Variants in BANP observed in about 807,000 individuals in gnomAD.
The protein encoded by BANP is BTG3 associated nuclear protein.
Under a neutral mutation model 68.1 loss-of-function variants are expected in BANP, and 11 were observed. That is an observed-to-expected ratio of 0.16 (90% CI 0.10 to 0.27). BANP has a LOEUF of 0.27. Among genes scored for constraint, BANP ranks in the 10% least tolerant of loss-of-function variants. BANP has a pLI of 1.00. For missense variants in BANP, 504 were observed against 722.7 expected (o/e 0.70, Z 3.47); for synonymous variants, 329 against 303.2 (o/e 1.09, Z -0.88).
chr16:87,957,649 G>A lies in BANP; in HGVS notation c.-69+6134G>A, dbSNP rs150716099. 7.9e-5 allele frequency among the ~76,000 whole-genome samples: 12 copies of A among 152,360 alleles called. No individual in the cohort carries two copies. The highest frequency in any genetic ancestry group is 2.6e-4 in the African/African-American group (11 of 41,590). On this transcript the variant is annotated intron_variant, in intron 1 of 13. Coordinates refer to ENST00000682872, the MANE Select transcript of BANP (RefSeq NM_001386991.1). The surrounding 1 kb of genome is among the most constrained non-coding windows in gnomAD (Gnocchi z 4.3). ...TGAGATGAAAAGTCATCAAATATCT[G>A]GAAGCAAAGCTTAATCTTTCTGAAA...
At chr16:87,959,940 T>A (rs1310066106) in intron 1 of BANP, 3 of 152,632 alleles carry the variant, frequency 2.0e-5, no homozygotes, top group Non-Finnish European at 2.9e-5. Context: ...GGATGGCTGA[T>A]CCGAGTGACC....
At chr16:88,067,057 C>G (rs1029439674) in intron 12 of BANP, among the ~76,000 whole-genome samples, 6 of 152,042 alleles carry the variant, frequency 3.9e-5, no homozygotes, top group Non-Finnish European at 8.8e-5. Context: ...GGAATGCACA[C>G]TCGCTCTCTT....
chr16:87,954,549 A>T (rs1207828880), intron 1 of BANP, among the ~76,000 whole-genome samples: 1 of 152,148 alleles, frequency 6.6e-6, no homozygotes. Context: ...TCACCGTGGG[A>T]CCTGGAGCAC....
rs151048606 is a variant in BANP at position 88,003,551 on chromosome 16, T to C, written c.363-744T>C. 6.8e-5 allele frequency: 31 copies of C among 456,278 alleles called. No homozygotes were observed. Among genetic ancestry groups the C allele is most frequent in the African/African-American group, 4.6e-4 (23 of 50,218 alleles). The allele number at this position is 456,278 out of a possible 1,614,324, so 28.3% of individuals were successfully genotyped here. A position where few individuals can be genotyped will look rare whatever the true frequency, so the allele number is the denominator to read the frequency against. On this transcript the variant is annotated intron_variant, in intron 4 of 13. Coordinates refer to ENST00000682872, the MANE Select transcript of BANP (RefSeq NM_001386991.1). The surrounding 1 kb of genome is among the most constrained non-coding windows in gnomAD (Gnocchi z 6.1). ...AGTGCTAAGGCTTAAAAACGCATGATTGAAAACTGTGGGTGAGTCTGTACT... is the reference window on the plus strand; with the variant it reads ...AGTGCTAAGGCTTAAAAACGCATGACTGAAAACTGTGGGTGAGTCTGTACT...
At position 88,071,800 on chromosome 16, in the gene BANP, T is replaced by C. The variant is rs548823334; in HGVS notation, c.1378-269T>C. 7.6e-4 allele frequency: 507 copies of C among 670,596 alleles called. No homozygotes were observed. Among genetic ancestry groups the C allele is most frequent in the African/African-American group, 4.3e-3 (242 of 56,544 alleles). 41.5% of individuals were successfully genotyped at this position (670,596 alleles called of 1,614,324 possible). A position where few individuals can be genotyped will look rare whatever the true frequency, so the allele number is the denominator to read the frequency against. On this transcript the variant is annotated intron_variant, in intron 12 of 13. Coordinates refer to ENST00000682872, the MANE Select transcript of BANP (RefSeq NM_001386991.1). The surrounding 1 kb of genome is among the most constrained non-coding windows in gnomAD (Gnocchi z 6.5). ...AAGCTCTGCCTTGCTTTTTTTTTTTTCCCTTTTTTCTGCTCTGTAGGTGCT... is the reference window on the plus strand; with the variant it reads ...AAGCTCTGCCTTGCTTTTTTTTTTTCCCCTTTTTTCTGCTCTGTAGGTGCT...
At chr16:88,040,308 A>G (rs922162318) in intron 11 of BANP, among the ~76,000 whole-genome samples, 1 of 143,456 alleles carries the variant, frequency 7.0e-6, no homozygotes, top group African/African-American at 2.6e-5. Context: ...GCTGAGCTAC[A>G]CCCTGCTCAT....
At chr16:87,991,148 C>T (rs980481155) in intron 4 of BANP, among the ~76,000 whole-genome samples, 1 of 152,192 alleles carries the variant, frequency 6.6e-6, no homozygotes, top group Non-Finnish European at 1.5e-5. Context: ...GTTTACATAC[C>T]TGCAACTTCG....
chr16:88,057,082 A>T lies in BANP; in HGVS notation c.1312-8185A>T, dbSNP rs928057742. On this transcript the variant is annotated intron_variant, in intron 11 of 13. Transcript: ENST00000682872. The surrounding 1 kb of genome is among the most constrained non-coding windows in gnomAD (Gnocchi z 4.6). ...ATCCAAATGTGAGAACTTTTTCTGAATAAGGGAGTTTTGGTGATTCTTTGG... is the reference window on the plus strand; with the variant it reads ...ATCCAAATGTGAGAACTTTTTCTGATTAAGGGAGTTTTGGTGATTCTTTGG... Among the ~76,000 whole-genome samples, 12 of 152,322 alleles carry T rather than the reference A, an allele frequency of 7.9e-5. No individual in the cohort carries two copies. The highest frequency in any genetic ancestry group is 2.6e-4 in the African/African-American group (11 of 41,574).
intron 2 of BANP, among the ~76,000 whole-genome samples, chr16:87,977,581 C>G (rs4843760): frequency 0.35 from 53,065 of 152,104 alleles, 10,566 homozygotes; most frequent in Non-Finnish European, 0.47. Flanking sequence ...TTGTCTTGAA[C>G]GTAGGCATCT....
rs570267022 is a variant in BANP at position 88,071,311 on chromosome 16, C to T, written c.1378-758C>T. On this transcript the variant is annotated intron_variant, in intron 12 of 13. Coordinates refer to ENST00000682872, the MANE Select transcript of BANP (RefSeq NM_001386991.1). The surrounding 1 kb of genome is among the most constrained non-coding windows in gnomAD (Gnocchi z 6.5). ...GGGCTGCCCACCCGCCTGCCTGGGC[C>T]GTCTTGACACCGGAGCTGCCTGCCT... 25 of 368,286 alleles carry T rather than the reference C, an allele frequency of 6.8e-5. No individual in the cohort carries two copies. Among genetic ancestry groups the T allele is most frequent in the African/African-American group, 1.5e-4 (7 of 47,140 alleles). The allele number at this position is 368,286 out of a possible 1,614,324, so 22.8% of individuals were successfully genotyped here.
At chr16:88,062,495 A>G (rs532541574) in intron 11 of BANP, among the ~76,000 whole-genome samples, 51 of 152,320 alleles carry the variant, frequency 3.3e-4, no homozygotes, top group African/African-American at 1.2e-3. Context: ...CTCTGTTTCA[A>G]AAATGTTCAG....
intron 1 of BANP, among the ~76,000 whole-genome samples, chr16:87,964,663 G>A (rs146868081): frequency 5.3e-5 from 8 of 152,320 alleles, no homozygotes; most frequent in African/African-American, 9.6e-5. Flanking sequence ...CGCCTTGAGC[G>A]CTCTTTATCG....
chr16:87,977,197 G>A (rs1292623363), intron 2 of BANP, among the ~76,000 whole-genome samples: 2 of 152,202 alleles, frequency 1.3e-5, no homozygotes, highest in Admixed American at 6.5e-5. Context: ...GGCGGATCAC[G>A]ATGTCAGGAG....
chr16:87,973,632 G>A (rs1310284831), intron 1 of BANP, among the ~76,000 whole-genome samples: 1 of 151,992 alleles, frequency 6.6e-6, no homozygotes, highest in Non-Finnish European at 1.5e-5. Context: ...GGTGGCGCAT[G>A]CCTGTAATCC....
chr16:88,029,345 C>T (rs2077631296), intron 8 of BANP, among the ~76,000 whole-genome samples: 1 of 147,012 alleles, frequency 6.8e-6, no homozygotes, highest in Non-Finnish European at 1.5e-5. Context: ...TGCTGTGGCT[C>T]ACGCATGTAA....
At chr16:87,978,904 C>T (rs1234366380) in intron 2 of BANP, among the ~76,000 whole-genome samples, 3 of 152,352 alleles carry the variant, frequency 2.0e-5, no homozygotes, top group African/African-American at 4.8e-5. Flanking sequence ...CAGCTCAGGG[C>T]GGCCACAGTG....
At chr16:87,971,347 A>G (rs1321369520) in intron 1 of BANP, among the ~76,000 whole-genome samples, 1 of 152,076 alleles carries the variant, frequency 6.6e-6, no homozygotes, top group African/African-American at 2.4e-5. Flanking sequence ...GGTTTTCCGA[A>G]GCTTGTTTGT....
At chr16:88,045,311 T>C (rs6540159) in intron 11 of BANP, among the ~76,000 whole-genome samples, 37,687 of 152,162 alleles carry the variant, frequency 0.25, 5,819 homozygotes, top group African/African-American at 0.43. Flanking sequence ...GCTCGATGTT[T>C]GCCGCAGCTG....
chr16:87,951,058 C>A (rs2056761211), upstream of BANP: 1 of 152,250 alleles, frequency 6.6e-6, no homozygotes, highest in African/African-American at 2.4e-5. Flanking sequence ...ATGGCCCAGA[C>A]GCAGGGACTA....
Sources: gnomAD v4.1 joint callset for allele counts (sites outside exome capture counted in the v4.1 genomes callset) on GRCh38, gnomAD v4.1.1 for gene constraint, Gnocchi (gnomAD v3.1) non-coding constraint, MANE v1.5 for transcripts, NCBI Gene and HGNC (gene_info 2026-07-23, HGNC 2026-07-21) for gene names.